The following CADPS variants were observed in gnomAD, a reference collection of about 807,000 sequenced individuals.
CADPS encodes the protein calcium-dependent secretion activator 1.
CADPS carries 57 observed loss-of-function variants against 167.3 expected under a neutral mutation model. That is an observed-to-expected ratio of 0.34 (90% CI 0.28 to 0.42). The LOEUF (loss-of-function observed/expected upper bound fraction) is 0.42. Among genes scored for constraint, CADPS ranks in the 20% least tolerant of loss-of-function variants. The probability of loss-of-function intolerance (pLI) is 1.00; values close to 1 mark genes in which losing one functional copy is unlikely to be tolerated. For synonymous variants in CADPS, 676 were observed against 635.3 expected (o/e 1.06, Z -0.96); for missense variants, 1,414 against 1,738.1 (o/e 0.81, Z 3.32).
chr3:62,498,173 A>G (rs750017876), intron 18 of CADPS: 6 of 456,526 alleles, frequency 1.3e-5, no homozygotes, highest in South Asian at 9.3e-5. Context: ...ATCAGCCAAG[A>G]TTGAATAAAA....
intron 3 of CADPS, among the ~76,000 whole-genome samples, chr3:62,749,909 G>A (rs1015346473): frequency 5.3e-5 from 8 of 152,158 alleles, no homozygotes; most frequent in Non-Finnish European, 2.9e-5. Context: ...CTGCATCACT[G>A]TGGTGTGAGA....
chr3:62,447,673 T>A (rs1422510117), intron 26 of CADPS, among the ~76,000 whole-genome samples: 1 of 152,130 alleles, frequency 6.6e-6, no homozygotes, highest in Admixed American at 6.5e-5. Flanking sequence ...ACGTCACTGA[T>A]CAGTCTGAAA....
In CADPS at chr3:62,478,147, C is replaced by G; in HGVS notation, c.3329+114G>C. 2.6e-6 allele frequency: 3 copies of G among 1,175,850 alleles called. No individual in the cohort carries two copies. Among genetic ancestry groups the G allele is most frequent in the Non-Finnish European group, 3.7e-6 (3 of 818,086 alleles). The allele number at this position is 1,175,850 out of a possible 1,614,324, so 72.8% of individuals were successfully genotyped here. A position where few individuals can be genotyped will look rare whatever the true frequency, so the allele number is the denominator to read the frequency against. ...TCCAGCTGACTTTGACAAGCAATCC[C>G]CTTCTCCAATTAGTTTCAAACTACA... On this transcript the variant is annotated intron_variant, in intron 23 of 29. Coordinates refer to ENST00000383710, the MANE Select transcript of CADPS (RefSeq NM_003716.4). This position sits in a 1 kb window ranked among gnomAD's most constrained non-coding sequence, Gnocchi z 5.7.
intron 3 of CADPS, among the ~76,000 whole-genome samples, chr3:62,672,202 A>G (rs1382636014): frequency 1.5e-4 from 2 of 12,926 alleles, no homozygotes; most frequent in Non-Finnish European, 0.01. Context: ...GTTAAAACAC[A>G]GAGTCCGGGC....
intron 1 of CADPS, among the ~76,000 whole-genome samples, chr3:62,821,588 C>T (rs1367771133): frequency 2.0e-5 from 3 of 152,098 alleles, no homozygotes; most frequent in African/African-American, 7.2e-5. Flanking sequence ...GGCATTCTTC[C>T]TGTGTTTCTG....
At chr3:62,525,600 A>G (rs2071882736) in intron 13 of CADPS, among the ~76,000 whole-genome samples, 1 of 147,784 alleles carries the variant, frequency 6.8e-6, no homozygotes, top group Non-Finnish European at 1.5e-5. Flanking sequence ...TTAGTAAAAC[A>G]GAGCTATCCC....
chr3:62,424,179 T>C (rs1560188311), intron 28 of CADPS, among the ~76,000 whole-genome samples: 1 of 151,138 alleles, frequency 6.6e-6, no homozygotes, highest in Non-Finnish European at 1.5e-5. Flanking sequence ...AGTGCAATTC[T>C]GGATAATTCA....
rs557089089 is a variant in CADPS, at chr3:62,687,566, G to A, written c.889-25172C>T. 2.0e-5 allele frequency among the ~76,000 whole-genome samples: 3 copies of A among 152,034 alleles called. No individual in the cohort carries two copies. The East Asian group carries it at 5.8e-4, about 29-fold the overall frequency. ...GGTTGTGAGACCCCAGGGTACCAGGGACTTAGGGCCAGGATGAATTGGCTT... is the reference window on the plus strand; with the variant it reads ...GGTTGTGAGACCCCAGGGTACCAGGAACTTAGGGCCAGGATGAATTGGCTT... On this transcript the variant is annotated intron_variant, in intron 3 of 29. Transcript: ENST00000383710.
intron 28 of CADPS, among the ~76,000 whole-genome samples, chr3:62,406,283 T>C (rs1381707985): frequency 6.6e-6 from 1 of 152,202 alleles, no homozygotes; most frequent in Non-Finnish European, 1.5e-5. Flanking sequence ...AAGCCAGTCA[T>C]TAAACATTTA....
chr3:62,630,249 A>C (rs2065029990), intron 6 of CADPS, among the ~76,000 whole-genome samples: 1 of 152,210 alleles, frequency 6.6e-6, no homozygotes, highest in African/African-American at 2.4e-5. Flanking sequence ...GAGTTAAAAC[A>C]CATAAACAGC....
At chr3:62,721,012 T>C (rs1368716675) in intron 3 of CADPS, among the ~76,000 whole-genome samples, 1 of 150,994 alleles carries the variant, frequency 6.6e-6, no homozygotes, top group Admixed American at 6.6e-5. Context: ...AGAGACGGGG[T>C]TTCACTGCAT....
chr3:62,754,249 T>C (rs1192636382), intron 2 of CADPS, among the ~76,000 whole-genome samples: 4 of 152,182 alleles, frequency 2.6e-5, no homozygotes, highest in African/African-American at 9.6e-5. Flanking sequence ...CACAGCTCAC[T>C]GTAACCTCCA....
chr3:62,580,556 G>A (rs1487867410), intron 8 of CADPS, among the ~76,000 whole-genome samples: 2 of 149,018 alleles, frequency 1.3e-5, no homozygotes, highest in Admixed American at 6.7e-5. Context: ...TGCACATTGT[G>A]CACATGTACC....
chr3:62,621,775 A>T (rs1354181241), intron 6 of CADPS, among the ~76,000 whole-genome samples: 1 of 151,696 alleles, frequency 6.6e-6, no homozygotes, highest in Non-Finnish European at 1.5e-5. Flanking sequence ...AGTGTGCGTT[A>T]TTCCCCTCTA....
At chr3:62,856,588 G>A (rs1438246167) in intron 1 of CADPS, among the ~76,000 whole-genome samples, 1 of 152,006 alleles carries the variant, frequency 6.6e-6, no homozygotes, top group African/African-American at 2.4e-5. Context: ...TAGCCAAACT[G>A]TCATAAACCT....
At chr3:62,474,882 T>C (rs1471738214) in intron 23 of CADPS, among the ~76,000 whole-genome samples, 2 of 152,194 alleles carry the variant, frequency 1.3e-5, no homozygotes, top group African/African-American at 4.8e-5. Context: ...TTTATTTTGC[T>C]TGTTAAAGGA....
chr3:62,592,666 G>A lies in CADPS; in HGVS notation c.1408C>T (p.Leu470=). 1 of 1,613,968 alleles carries A rather than the reference G, an allele frequency of 6.2e-7. No homozygotes were observed. The highest frequency in any genetic ancestry group is 8.5e-7 in the Non-Finnish European group (1 of 1,179,832). Residue 470 remains leucine, a synonymous_variant, in exon 7 of 30, where the codon CTG becomes TTG. Transcript: ENST00000383710. ...CCAAGCTCCTTGTCCTCCAACGCCA[G>A]GACGCCTGTGCTCTCTGTGAACAGC... ...VKLFTESTGV[L]ALEDKELGRV...
intron 1 of CADPS, among the ~76,000 whole-genome samples, chr3:62,841,578 G>A (rs925393961): frequency 5.3e-5 from 8 of 152,140 alleles, no homozygotes; most frequent in South Asian, 2.1e-4. Flanking sequence ...TTAGCTGGGC[G>A]TGGTGGCATG....
chr3:62,467,268 A>G (rs949865752), intron 24 of CADPS: 1 of 1,188,456 alleles, frequency 8.4e-7, no homozygotes, highest in Non-Finnish European at 1.1e-6. Flanking sequence ...AATGCAAGAC[A>G]TTGTTATTTG....
Sources: gnomAD v4.1 joint callset for allele counts (sites outside exome capture counted in the v4.1 genomes callset) on GRCh38, gnomAD v4.1.1 for gene constraint, Gnocchi (gnomAD v3.1) non-coding constraint, MANE v1.5 for transcripts, NCBI Gene and HGNC (gene_info 2026-07-23, HGNC 2026-07-21) for gene names.